The following CHSY3 variants were observed in gnomAD, a reference collection of about 807,000 sequenced individuals.
CHSY3 encodes chondroitin sulfate synthase 3.
A neutral mutation model predicts 67.2 loss-of-function variants in CHSY3; 35 were observed. That is an observed-to-expected ratio of 0.52 (90% CI 0.40 to 0.69). The LOEUF (loss-of-function observed/expected upper bound fraction) is 0.69, where lower values mean the gene tolerates loss of function less well. CHSY3 is among the 30% of genes least tolerant of loss of function. The pLI, the probability that CHSY3 is intolerant of heterozygous loss-of-function variation, is 0.00. For missense variants in CHSY3, 1,069 were observed against 1,138.5 expected, an observed-to-expected ratio of 0.94 and a Z score of 0.88; for synonymous variants, 474 against 434.7, an observed-to-expected ratio of 1.09 and a Z score of -1.12.
intron 2 of CHSY3, among the ~76,000 whole-genome samples, chr5:130,033,919 T>A (rs1353467004): frequency 1.3e-5 from 2 of 152,172 alleles, no homozygotes; most frequent in Admixed American, 1.3e-4. Flanking sequence ...ATTCTCTGGA[T>A]GTTTGGAAGG....
At chr5:130,129,031 C>G (rs1768394284) in intron 2 of CHSY3, among the ~76,000 whole-genome samples, 1 of 151,294 alleles carries the variant, frequency 6.6e-6, no homozygotes, top group Non-Finnish European at 1.5e-5. Flanking sequence ...CTCAGGCAAA[C>G]ATTTATCTGC....
rs756741451 is a variant in CHSY3 at position 130,158,957 on chromosome 5, C to T, written c.1087-25272C>T. Among the ~76,000 whole-genome samples, 5 of 151,902 alleles carry T rather than the reference C, an allele frequency of 3.3e-5. No homozygotes were observed. In the East Asian group the frequency reaches 5.8e-4, roughly 18 times the overall value. On this transcript the variant is annotated intron_variant, in intron 2 of 2. Coordinates refer to ENST00000305031, the MANE Select transcript of CHSY3 (RefSeq NM_175856.5). ...CTGGAACTGCAGGCATGTGCTACCA[C>T]GTCCTGCTAATTTTTCTATTTTTTG...
intron 2 of CHSY3, among the ~76,000 whole-genome samples, chr5:130,079,580 A>C (rs182390718): frequency 1.2e-4 from 19 of 152,228 alleles, no homozygotes; most frequent in African/African-American, 3.8e-4. Context: ...GACAAGAAGA[A>C]TAGAATCACA....
rs147005214 is a variant in CHSY3, at chr5:130,065,891, G to A, written c.1087-118338G>A. On this transcript the variant is annotated intron_variant, in intron 2 of 2. Coordinates refer to ENST00000305031, the MANE Select transcript of CHSY3 (RefSeq NM_175856.5). ...TGTCGTATTGGTTCAGGGCCTACAA[G>A]TTTTTAAATTCTGAACAATGTCCTT... 4.9e-3 allele frequency among the ~76,000 whole-genome samples: 745 copies of A among 152,126 alleles called. 1 individual carries two copies. The highest frequency in any genetic ancestry group is 0.01 in the Middle Eastern group (3 of 294).
chr5:130,123,355 G>A (rs1768118529), intron 2 of CHSY3, among the ~76,000 whole-genome samples: 1 of 152,192 alleles, frequency 6.6e-6, no homozygotes. Flanking sequence ...CAGTTTTATA[G>A]AAGATAGTCT....
chr5:129,928,808 C>T (rs1375696186), intron 2 of CHSY3, among the ~76,000 whole-genome samples: 1 of 151,958 alleles, frequency 6.6e-6, no homozygotes, highest in Non-Finnish European at 1.5e-5. Context: ...CATTTATGTA[C>T]CAAGCTGTGT....
chr5:130,087,204 G>C (rs1045087320), intron 2 of CHSY3, among the ~76,000 whole-genome samples: 7 of 151,664 alleles, frequency 4.6e-5, no homozygotes, highest in African/African-American at 1.7e-4. Context: ...ATTAGGTATT[G>C]ATGGGATGTA....
Position 129,905,470 on chromosome 5 carries a change from C to G in CHSY3, c.641C>G (p.Ala214Gly). The change falls in exon 1 of 3, where the codon GCC (alanine) becomes GGC (glycine). Residue 214 changes from alanine to glycine, a missense_variant. Transcript: ENST00000305031. ...TTTTCCAGCCAGCAGCCCCCCAACG[C>G]CGGCCAGCCCCCGCCACCCCTGCCT... Reference protein sequence around the residue: ...EFFSSQQPPNAGQPPPPLPVI... With the variant: ...EFFSSQQPPNGGQPPPPLPVI... The G allele has an allele frequency of 6.2e-7, 1 of 1,612,866 alleles. No individual in the cohort carries two copies. The highest frequency in any genetic ancestry group is 8.5e-7 in the Non-Finnish European group (1 of 1,179,998).
intron 2 of CHSY3, among the ~76,000 whole-genome samples, chr5:130,013,886 C>T (rs763121796): frequency 4.6e-5 from 7 of 152,168 alleles, no homozygotes; most frequent in African/African-American, 1.4e-4. Flanking sequence ...TCTTTTTTAT[C>T]GCATCATCAG....
chr5:130,018,218 G>A (rs1383765516), intron 2 of CHSY3, among the ~76,000 whole-genome samples: 1 of 151,824 alleles, frequency 6.6e-6, no homozygotes, highest in African/African-American at 2.4e-5. Flanking sequence ...TACAAAAAAA[G>A]TCCTATTTTT....
intron 2 of CHSY3, among the ~76,000 whole-genome samples, chr5:130,082,734 A>T (rs756032883): frequency 6.6e-6 from 1 of 151,968 alleles, no homozygotes; most frequent in Non-Finnish European, 1.5e-5. Context: ...GTGCTTTTGA[A>T]AAAAGCCTTC....
rs146228329 is a variant in CHSY3, at chr5:130,126,798, C to T, written c.1087-57431C>T. 1.6e-3 allele frequency among the ~76,000 whole-genome samples: 238 copies of T among 152,228 alleles called. 2 individuals carry two copies. The highest frequency in any genetic ancestry group is 5.5e-3 in the African/African-American group (227 of 41,516). ...CACTTTAAGAATAAAAGAGGCGCCT[C>T]TATAATTATCCAAGAATGAAAAGCA... is the stretch of plus-strand genomic sequence containing the variant. On this transcript the variant is annotated intron_variant, in intron 2 of 2. Coordinates refer to ENST00000305031, the MANE Select transcript of CHSY3 (RefSeq NM_175856.5).
At chr5:130,089,180 C>T (rs1273613162) in intron 2 of CHSY3, among the ~76,000 whole-genome samples, 1 of 130,054 alleles carries the variant, frequency 7.7e-6, no homozygotes, top group Non-Finnish European at 1.5e-5. Flanking sequence ...AGTGAGAACA[C>T]ATGGACACAG....
At chr5:129,940,556 C>A (rs1761665417) in intron 2 of CHSY3, among the ~76,000 whole-genome samples, 1 of 151,954 alleles carries the variant, frequency 6.6e-6, no homozygotes. Flanking sequence ...TAAAAATATG[C>A]TTTTTACATT....
chr5:130,184,583 C>G lies in CHSY3; in HGVS notation c.1441C>G (p.Gln481Glu). The G allele has an allele frequency of 6.2e-7, 1 of 1,612,220 alleles. No individual in the cohort carries two copies. The highest frequency in any genetic ancestry group is 1.1e-5 in the South Asian group (1 of 91,050). The change falls in exon 3 of 3, where the codon CAG becomes GAG. Residue 481 changes from glutamine to glutamate, a missense_variant. Around this residue, in one of 5 missense-constraint regions of CHSY3, gnomAD observed 401 missense variants for 395.2 expected, o/e 1.01. Transcript: ENST00000305031. Reference protein sequence around the residue: ...GKLLYSAAENQPPRQSLSSIL... With the variant: ...GKLLYSAAENEPPRQSLSSIL... Reference sequence around the variant, plus strand: ...GCTTCTATACTCAGCAGCTGAGAACCAGCCCCCTCGACAGAGCCTCAGTAG... The same window carrying G: ...GCTTCTATACTCAGCAGCTGAGAACGAGCCCCCTCGACAGAGCCTCAGTAG...
intron 2 of CHSY3, among the ~76,000 whole-genome samples, chr5:130,181,703 C>T (rs533696927): frequency 2.6e-5 from 4 of 152,284 alleles, no homozygotes; most frequent in African/African-American, 7.2e-5. Context: ...AAGCTTCCCT[C>T]TTCTTGATTC....
rs960581072 is a variant in CHSY3 at position 129,993,047 on chromosome 5, A to G, written c.1086+84687A>G. 5.1e-4 allele frequency among the ~76,000 whole-genome samples: 77 copies of G among 152,252 alleles called. 1 individual carries two copies. The highest frequency in any genetic ancestry group is 1.8e-3 in the African/African-American group (75 of 41,564). ...TTTGGCACACAAAACACTGTTGCAA[A>G]TGCTTTACCCATATTGTCATTTAAT... On this transcript the variant is annotated intron_variant, in intron 2 of 2. Transcript: ENST00000305031.
intron 2 of CHSY3, among the ~76,000 whole-genome samples, chr5:130,129,109 G>A (rs966488401): frequency 1.3e-5 from 2 of 152,046 alleles, no homozygotes; most frequent in African/African-American, 4.8e-5. Flanking sequence ...GTTTCCTCAA[G>A]ATAATCAGCA....
At chr5:130,126,966 T>C (rs1768313153) in intron 2 of CHSY3, among the ~76,000 whole-genome samples, 1 of 152,192 alleles carries the variant, frequency 6.6e-6, no homozygotes, top group Non-Finnish European at 1.5e-5. Context: ...TGTGTGGCTA[T>C]GCTAATCCTT....
Sources: allele counts gnomAD v4.1 joint callset (sites outside exome capture counted in the v4.1 genomes callset), GRCh38; gene constraint gnomAD v4.1.1; regional missense constraint gnomAD v4.1.1; transcripts MANE v1.5; gene names NCBI Gene and HGNC (gene_info 2026-07-23, HGNC 2026-07-21).